ALDH1A3: variants seen among roughly 807,000 people sequenced by gnomAD.
ALDH1A3 encodes the protein retinaldehyde dehydrogenase 3.
ALDH1A3 carries 28 observed loss-of-function variants against 57.5 expected under a neutral mutation model. The ratio of observed to expected loss-of-function variants is 0.49; its 90% confidence interval spans 0.36 to 0.67. The LOEUF (loss-of-function observed/expected upper bound fraction) is 0.67. ALDH1A3 is among the 30% of genes least tolerant of loss of function. ALDH1A3 has a pLI of 0.00. For missense variants in ALDH1A3, 507 were observed against 669.4 expected (o/e 0.76, Z 2.68); for synonymous variants, 281 against 264.8 (o/e 1.06, Z -0.59).
chr15:100,881,688 G>T (rs565876947), intron 1 of ALDH1A3, among the ~76,000 whole-genome samples: 2 of 152,264 alleles, frequency 1.3e-5, no homozygotes, highest in African/African-American at 4.8e-5. Flanking sequence ...CAGTTAAAGG[G>T]AACCAGTGCA....
At chr15:100,904,977 C>T (rs1170451328) in intron 9 of ALDH1A3, among the ~76,000 whole-genome samples, 1 of 152,190 alleles carries the variant, frequency 6.6e-6, no homozygotes, top group African/African-American at 2.4e-5. Flanking sequence ...TTCACGGTGC[C>T]AACTGAGCAG....
At chr15:100,897,570 C>G (rs1183659731) in intron 7 of ALDH1A3, among the ~76,000 whole-genome samples, 1 of 152,268 alleles carries the variant, frequency 6.6e-6, no homozygotes, top group Non-Finnish European at 1.5e-5. Context: ...TCGGCTCCTT[C>G]TCATCCGGAA....
At position 100,879,925 on chromosome 15, in the gene ALDH1A3, G is replaced by A. The variant is rs2041528118; in HGVS notation, c.18G>A (p.Gly6=). ...GAGGAGCCATGGCCACCGCTAACGG[G>A]GCCGTGGAAAACGGGCAGCCGGACA... MATAN[G]AVENGQPDRK... is the part of the protein sequence containing the mutation. The change falls in exon 1 of 13, where the codon GGG becomes GGA. Residue 6 remains glycine (G), a synonymous_variant. Transcript: ENST00000329841. The A allele has an allele frequency of 2.7e-6, 4 of 1,465,342 alleles. No individual in the cohort carries two copies. Among genetic ancestry groups the A allele is most frequent in the Admixed American group, 2.4e-5 (1 of 41,246 alleles). 90.8% of individuals were successfully genotyped at this position (1,465,342 alleles called of 1,614,324 possible).
intron 3 of ALDH1A3, chr15:100,888,785 T>G (rs2041621137): frequency 6.6e-6 from 1 of 152,256 alleles, no homozygotes; most frequent in South Asian, 2.1e-4. Flanking sequence ...GGTGTAAGAA[T>G]GATCTATTTA....
intron 3 of ALDH1A3, 77 bp from the exon 4 acceptor site, chr15:100,892,433 A>T: frequency 6.3e-7 from 1 of 1,598,232 alleles, no homozygotes; most frequent in South Asian, 1.1e-5. Flanking sequence ...TCTCTCCCCA[A>T]CTTCCATCTT....
At position 100,906,011 on chromosome 15, in the gene ALDH1A3, T is replaced by TCATG. The variant is rs1476755012; in HGVS notation, c.1233+327_1233+330dup. Among the ~76,000 whole-genome samples, 10 of 152,222 alleles carry TCATG rather than the reference T, an allele frequency of 6.6e-5. No homozygotes were observed. In the South Asian group the frequency reaches 1.5e-3, roughly 22 times the overall value. On this transcript the variant is annotated intron_variant, in intron 10 of 12. Coordinates refer to ENST00000329841, the MANE Select transcript of ALDH1A3 (RefSeq NM_000693.4). This position sits in a 1 kb window ranked among gnomAD's most constrained non-coding sequence, Gnocchi z 4.8. The stretch of plus-strand genomic sequence containing the variant: ...CTAACACAACCGGTCCCCGAGTCAG[T>TCATG]CATGCAGCCGCAGGTGGAGAACTGT...
intron 12 of ALDH1A3, among the ~76,000 whole-genome samples, chr15:100,911,648 GAGT>G (rs1270697096): frequency 6.6e-6 from 1 of 152,238 alleles, no homozygotes; most frequent in Non-Finnish European, 1.5e-5. Flanking sequence ...GGTTTAACAG[GAGT>G]AAGGCTGGGC....
intron 3 of ALDH1A3, among the ~76,000 whole-genome samples, chr15:100,891,190 A>G (rs2041646121): frequency 6.6e-6 from 1 of 151,930 alleles, no homozygotes; most frequent in African/African-American, 2.4e-5. Context: ...GTGGACACTG[A>G]CTCCTTTCAC....
chr15:100,894,202 G>C lies in ALDH1A3; in HGVS notation c.666+120G>C. ...GCTGGCAATCGAGTGGGAAGGGAATGACTTCCAGTGTTTTGTTTGGCGACT... is the reference window on the plus strand; with the variant it reads ...GCTGGCAATCGAGTGGGAAGGGAATCACTTCCAGTGTTTTGTTTGGCGACT... On this transcript the variant is annotated intron_variant, in intron 6 of 12. Coordinates refer to ENST00000329841, the MANE Select transcript of ALDH1A3 (RefSeq NM_000693.4). The surrounding 1 kb of genome is among the most constrained non-coding windows in gnomAD (Gnocchi z 4.5). 7.8e-7 allele frequency: 1 copy of C among 1,288,806 alleles called. No homozygotes were observed. The highest frequency in any genetic ancestry group is 1.1e-6 in the Non-Finnish European group (1 of 931,816). 79.8% of individuals were successfully genotyped at this position (1,288,806 alleles called of 1,614,324 possible). A position where few individuals can be genotyped will look rare whatever the true frequency, so the allele number is the denominator to read the frequency against.
At chr15:100,907,840 CTTTCTTTTTT>C (rs2041838196) in intron 11 of ALDH1A3, among the ~76,000 whole-genome samples, 1 of 83,682 alleles carries the variant, frequency 1.2e-5, no homozygotes, top group Non-Finnish European at 2.4e-5. Context: ...TTCTTTCTTT[CTTTCTTTTTT>C]TTTTTTTTTT....
intron 8 of ALDH1A3, among the ~76,000 whole-genome samples, chr15:100,899,610 C>A (rs189276650): frequency 6.6e-6 from 1 of 152,050 alleles, no homozygotes; most frequent in African/African-American, 2.4e-5. Flanking sequence ...CCCCTAGCTC[C>A]GTCAGGAGCA....
chr15:100,914,422 A>T, intron 12 of ALDH1A3: 1 of 261,586 alleles, frequency 3.8e-6, no homozygotes, highest in Non-Finnish European at 7.3e-6. Flanking sequence ...TACTTTTTTT[A>T]AAATCCCCTT....
intron 3 of ALDH1A3, among the ~76,000 whole-genome samples, chr15:100,891,636 G>C (rs1047057291): frequency 2.0e-5 from 3 of 152,226 alleles, no homozygotes; most frequent in Non-Finnish European, 4.4e-5. Flanking sequence ...GATCTGAGGA[G>C]GGGCCTTCTT....
intron 1 of ALDH1A3, chr15:100,880,896 A>T (rs932700872): frequency 1.2e-4 from 18 of 152,316 alleles, no homozygotes; most frequent in African/African-American, 3.9e-4. Context: ...GGACACCCCC[A>T]GGCTGTCTGG....
intron 7 of ALDH1A3, among the ~76,000 whole-genome samples, chr15:100,896,664 A>G (rs981388287): frequency 5.3e-5 from 8 of 152,234 alleles, no homozygotes; most frequent in Non-Finnish European, 8.8e-5. Context: ...CCAACATTTA[A>G]AGTGAAAAAC....
intron 11 of ALDH1A3, among the ~76,000 whole-genome samples, chr15:100,907,873 G>A (rs1161910273): frequency 1.2e-5 from 1 of 81,682 alleles, no homozygotes; most frequent in East Asian, 3.9e-4. Flanking sequence ...TTTTGAGATG[G>A]AGTCTTGCTC....
rs371996820 is a variant in ALDH1A3 at position 100,905,699 on chromosome 15, C to A, written c.1233+12C>A. ...TTGCCAAAGAGGAGGTACAAGGGGG[C>A]TGTGGCAAGGCTACGACTTGCGGGG... On this transcript the variant is annotated intron_variant, in intron 10 of 12. Transcript: ENST00000329841. 1 of 1,539,516 alleles carries A rather than the reference C, an allele frequency of 6.5e-7. No individual in the cohort carries two copies. The highest frequency in any genetic ancestry group is 8.7e-7 in the Non-Finnish European group (1 of 1,143,346).
intron 1 of ALDH1A3, chr15:100,880,207 G>A (rs983339154): frequency 5.0e-5 from 20 of 402,018 alleles, no homozygotes; most frequent in Non-Finnish European, 7.8e-5. Context: ...GGCGGGGCTC[G>A]GCGCTGTGAG....
chr15:100,911,996 T>G (rs2041887010), intron 12 of ALDH1A3, among the ~76,000 whole-genome samples: 1 of 152,216 alleles, frequency 6.6e-6, no homozygotes, highest in South Asian at 2.1e-4. Flanking sequence ...TACAATGGAT[T>G]TATATATGTG....
Sources: gnomAD v4.1 joint callset for allele counts (sites outside exome capture counted in the v4.1 genomes callset) on GRCh38, gnomAD v4.1.1 for gene constraint, Gnocchi (gnomAD v3.1) non-coding constraint, MANE v1.5 for transcripts, NCBI Gene and HGNC (gene_info 2026-07-23, HGNC 2026-07-21) for gene names.